DGKB: variants seen among roughly 807,000 people sequenced by gnomAD.
DGKB encodes 90 kDa diacylglycerol kinase.
In DGKB, 67 loss-of-function variants were observed where a neutral mutation model predicts 114.3. The observed-to-expected ratio is 0.59, with a 90% CI of 0.48 to 0.72. The LOEUF is 0.72. DGKB is among the 30% of genes least tolerant of loss of function. The pLI is 0.00. For synonymous variants in DGKB, 398 were observed against 323.1 expected, an observed-to-expected ratio of 1.23 and a Z score of -2.49; for missense variants, 907 against 975.2, an observed-to-expected ratio of 0.93 and a Z score of 0.93.
chr7:14,529,716 T>A (rs1018709808), intron 20 of DGKB, among the ~76,000 whole-genome samples: 2 of 151,842 alleles, frequency 1.3e-5, no homozygotes, highest in Non-Finnish European at 3.0e-5. Context: ...ATAGTGTTAA[T>A]ATCATAATTT....
rs534601318 is a variant in DGKB, at chr7:14,318,103, A to T, written c.2122+20412T>A. Reference sequence around the variant, plus strand: ...GCCATATGTAGAAAGCTGAAACTGGATCCCTTCCTTACACCTTATACAAAA... The same window carrying T: ...GCCATATGTAGAAAGCTGAAACTGGTTCCCTTCCTTACACCTTATACAAAA... On this transcript the variant is annotated intron_variant, in intron 23 of 25. Coordinates refer to ENST00000402815, the MANE Select transcript of DGKB (RefSeq NM_001350709.2). 7.9e-3 allele frequency among the ~76,000 whole-genome samples: 626 copies of T among 78,912 alleles called. 8 individuals carry two copies. Among genetic ancestry groups the T allele is most frequent in the East Asian group, 0.065 (179 of 2,772 alleles). The allele number at this position is 78,912 out of a possible 152,430, so 51.8% of individuals were successfully genotyped here.
chr7:14,836,730 A>G (rs895383393), intron 2 of DGKB, among the ~76,000 whole-genome samples: 1 of 152,122 alleles, frequency 6.6e-6, no homozygotes, highest in East Asian at 1.9e-4. Context: ...TCAGCCTGAA[A>G]CCCTAAACCG....
At chr7:14,413,146 T>C (rs1365449762) in intron 21 of DGKB, among the ~76,000 whole-genome samples, 1 of 151,906 alleles carries the variant, frequency 6.6e-6, no homozygotes, top group Non-Finnish European at 1.5e-5. Context: ...ATGGATTGGA[T>C]ATGGAGAGTG....
At chr7:14,538,390 A>C (rs969180763) in intron 20 of DGKB, among the ~76,000 whole-genome samples, 1 of 152,228 alleles carries the variant, frequency 6.6e-6, no homozygotes, top group Non-Finnish European at 1.5e-5. Flanking sequence ...AAAGATGCTC[A>C]ATATTGCTAA....
intron 8 of DGKB, among the ~76,000 whole-genome samples, chr7:14,694,989 T>C (rs139622040): frequency 6.6e-6 from 1 of 152,300 alleles, no homozygotes; most frequent in African/African-American, 2.4e-5. Flanking sequence ...ATGGTAAGAA[T>C]TCTAATGAAG....
chr7:14,918,596 T>TA (rs1474736034), intron 1 of DGKB, among the ~76,000 whole-genome samples: 2 of 152,156 alleles, frequency 1.3e-5, no homozygotes, highest in South Asian at 2.1e-4. Flanking sequence ...TACAAAGTCC[T>TA]AAAAAAATCA....
At chr7:14,657,738 C>A (rs1816151497) in intron 13 of DGKB, among the ~76,000 whole-genome samples, 1 of 151,918 alleles carries the variant, frequency 6.6e-6, no homozygotes, top group Non-Finnish European at 1.5e-5. Context: ...AGTTTTATAA[C>A]TAGCCTAGGA....
intron 20 of DGKB, among the ~76,000 whole-genome samples, chr7:14,514,488 A>G (rs1052545361): frequency 2.0e-4 from 31 of 152,270 alleles, no homozygotes; most frequent in African/African-American, 7.2e-4. Flanking sequence ...CTTGCACCCA[A>G]TAGAATTTTA....
At chr7:14,831,217 T>C (rs1180157840) in intron 2 of DGKB, among the ~76,000 whole-genome samples, 2 of 151,940 alleles carry the variant, frequency 1.3e-5, no homozygotes, top group African/African-American at 2.4e-5. Context: ...TCTGAGGATA[T>C]ATTTACATGG....
intron 2 of DGKB, among the ~76,000 whole-genome samples, chr7:14,792,533 T>A (rs1356118522): frequency 1.3e-5 from 2 of 152,136 alleles, no homozygotes; most frequent in Admixed American, 1.3e-4. Flanking sequence ...TTTTTTCTAA[T>A]CTTTCTGTAA....
At chr7:14,700,599 T>C (rs1043280846) in intron 7 of DGKB, among the ~76,000 whole-genome samples, 13 of 152,064 alleles carry the variant, frequency 8.5e-5, no homozygotes, top group Non-Finnish European at 1.3e-4. Context: ...TTTCCTAGAG[T>C]AGGAGTTATA....
chr7:14,584,959 G>T (rs890303354), intron 17 of DGKB, among the ~76,000 whole-genome samples: 1 of 151,812 alleles, frequency 6.6e-6, no homozygotes, highest in Non-Finnish European at 1.5e-5. Context: ...CTTGCCGGGC[G>T]AGATGTCTTT....
intron 23 of DGKB, among the ~76,000 whole-genome samples, chr7:14,334,374 G>A (rs1453312380): frequency 1.2e-5 from 1 of 80,926 alleles, no homozygotes; most frequent in Non-Finnish European, 3.0e-5. Flanking sequence ...GTGTGTGTGT[G>A]TGTGTGTGTG....
At chr7:14,742,067 C>A (rs1832663188) in intron 4 of DGKB, among the ~76,000 whole-genome samples, 1 of 152,104 alleles carries the variant, frequency 6.6e-6, no homozygotes, top group Non-Finnish European at 1.5e-5. Context: ...TGAACAGAGA[C>A]TACTTGGGAA....
intron 23 of DGKB, among the ~76,000 whole-genome samples, chr7:14,213,269 C>T (rs902332256): frequency 7.9e-5 from 12 of 152,014 alleles, no homozygotes; most frequent in Middle Eastern, 3.4e-3. Context: ...TTTAAAGTTG[C>T]GCTTTCTCAT....
chr7:14,573,281 T>C (rs1240365175), intron 20 of DGKB, among the ~76,000 whole-genome samples: 1 of 152,138 alleles, frequency 6.6e-6, no homozygotes. Context: ...TATGAGATTC[T>C]TTAAATGTAC....
At chr7:14,340,257 A>C (rs1259484118) in intron 22 of DGKB, among the ~76,000 whole-genome samples, 3 of 142,542 alleles carry the variant, frequency 2.1e-5, no homozygotes, top group Non-Finnish European at 4.5e-5. Flanking sequence ...AATTCTGGTC[A>C]TGTGTATACT....
intron 4 of DGKB, among the ~76,000 whole-genome samples, chr7:14,740,284 G>A (rs1832392365): frequency 1.3e-5 from 2 of 150,552 alleles, no homozygotes; most frequent in Admixed American, 6.6e-5. Context: ...ATGGATTGGT[G>A]TGAAGGTAGT....
At chr7:14,353,379 A>AT (rs1032265690) in intron 21 of DGKB, among the ~76,000 whole-genome samples, 7 of 152,082 alleles carry the variant, frequency 4.6e-5, no homozygotes, top group African/African-American at 1.7e-4. Flanking sequence ...TCTAGGAAAG[A>AT]TTTTTTTCTC....
Sources: allele counts gnomAD v4.1 joint callset (sites outside exome capture counted in the v4.1 genomes callset), GRCh38; gene constraint gnomAD v4.1.1; transcripts MANE v1.5; gene names NCBI Gene and HGNC (gene_info 2026-07-23, HGNC 2026-07-21).